The following OR2AJ1 variants were observed in gnomAD, a reference collection of about 807,000 sequenced individuals.
The protein encoded by OR2AJ1 is olfactory receptor 2AJ1.
For synonymous variants in OR2AJ1, 105 were observed against 60.3 expected (o/e 1.74, Z -3.44); for missense variants, 280 against 163.2 (o/e 1.72, Z -3.90).
chr1:247,934,918 T>C lies in OR2AJ1; in HGVS notation c.*163T>C. ...TAAAAATGTAGTGTTCCTTCTGTGG[T>C]ACCAATTATAATCATGCAACAGTTA... On this transcript the variant is annotated 3_prime_UTR_variant, in exon 2 of 2. Transcript: ENST00000318244. 1 of 556,424 alleles carries C rather than the reference T, an allele frequency of 1.8e-6. No individual in the cohort carries two copies. Among genetic ancestry groups the C allele is most frequent in the Non-Finnish European group, 3.1e-6 (1 of 317,510 alleles). The allele number at this position is 556,424 out of a possible 1,614,324, so 34.5% of individuals were successfully genotyped here. A position where few individuals can be genotyped will look rare whatever the true frequency, so the allele number is the denominator to read the frequency against.
chr1:247,931,498 T>C (rs1660152468), intron 1 of OR2AJ1, among the ~76,000 whole-genome samples: 1 of 152,188 alleles, frequency 6.6e-6, no homozygotes, highest in Non-Finnish European at 1.5e-5. Context: ...GAAAAAAAGT[T>C]GCAGAAATAT....
At position 247,933,876 on chromosome 1, in the gene OR2AJ1, T is replaced by C. The variant is rs564295662; in HGVS notation, c.108T>C (p.Ile36=). The change falls in exon 2 of 2, where the codon ATT becomes ATC. Residue 36 remains isoleucine, a synonymous_variant. Coordinates refer to ENST00000318244, the MANE Select transcript of OR2AJ1 (RefSeq NM_001355235.2). The part of the protein sequence containing the change: ...VFFLVLFVIF[I]MSVTENTLMI... ...TCTTAGTTTTATTTGTCATTTTCAT[T>C]ATGAGTGTAACAGAAAATACGCTCA... 3.4e-4 allele frequency: 239 copies of C among 703,948 alleles called. 1 individual carries two copies. The African/African-American group carries it at 3.7e-3, about 11-fold the overall frequency. 43.6% of individuals were successfully genotyped at this position (703,948 alleles called of 1,614,324 possible). A position where few individuals can be genotyped will look rare whatever the true frequency, so the allele number is the denominator to read the frequency against.
chr1:247,926,135 C>A (rs1369570433), intron 1 of OR2AJ1, among the ~76,000 whole-genome samples: 1 of 151,846 alleles, frequency 6.6e-6, no homozygotes, highest in African/African-American at 2.4e-5. Flanking sequence ...AATGAAACAC[C>A]ATTTAAAATT....
Position 247,928,257 on chromosome 1 carries a change from A to G in OR2AJ1, c.-23+3089A>G, listed in dbSNP as rs564097229. Among the ~76,000 whole-genome samples, 7 of 152,206 alleles carry G rather than the reference A, an allele frequency of 4.6e-5. No individual in the cohort carries two copies. The South Asian group carries it at 1.5e-3, about 32-fold the overall frequency. ...TTTGGTTTTGATTTATATTTCCCTT[A>G]TGATTAGTGATGTTGAACATTTTTT... On this transcript the variant is annotated intron_variant, in intron 1 of 1. Transcript: ENST00000318244.
intron 1 of OR2AJ1, among the ~76,000 whole-genome samples, chr1:247,927,272 CT>C (rs1382114313): frequency 6.6e-6 from 1 of 152,002 alleles, no homozygotes; most frequent in Non-Finnish European, 1.5e-5. Context: ...AAATCGTTTT[CT>C]TTTTTCTGAC....
In OR2AJ1 at chr1:247,934,485, C is replaced by T. The variant is rs1300072327; in HGVS notation, c.717C>T (p.Ser239=). 2 of 717,488 alleles carry T rather than the reference C, an allele frequency of 2.8e-6. No homozygotes were observed. The highest frequency in any genetic ancestry group is 5.2e-6 in the Non-Finnish European group (2 of 385,096). 44.4% of individuals were successfully genotyped at this position (717,488 alleles called of 1,614,324 possible). ...KSSEARKKSF[S]TCSFHMIVVT... is the part of the protein sequence containing the mutation. ...CAGAGGCAAGGAAAAAGTCATTTTC[C>T]ACTTGTTCCTTCCACATGATTGTGG... Residue 239 remains serine (S), a synonymous_variant, in exon 2 of 2, where the codon TCC becomes TCT. Transcript: ENST00000318244.
At chr1:247,933,646 A>G in intron 1 of OR2AJ1, 101 bp from the exon 2 acceptor site, 1 of 490,456 alleles carries the variant, frequency 2.0e-6, no homozygotes, top group South Asian at 4.4e-5. Context: ...ATTACAAAAC[A>G]TGCATCACTA....
In OR2AJ1 at chr1:247,934,021, T is replaced by C. The variant is rs956191726; in HGVS notation, c.253T>C (p.Phe85Leu). 29 of 717,632 alleles carry C rather than the reference T, an allele frequency of 4.0e-5. No homozygotes were observed. The Middle Eastern group carries it at 2.5e-3, about 62-fold the overall frequency. 44.5% of individuals were successfully genotyped at this position (717,632 alleles called of 1,614,324 possible). A position where few individuals can be genotyped will look rare whatever the true frequency, so the allele number is the denominator to read the frequency against. Residue 85 changes from phenylalanine to leucine, a missense_variant, in exon 2 of 2, where the codon TTT becomes CTT. Phe to Leu is a conservative substitution (Grantham distance 22). Coordinates refer to ENST00000318244, the MANE Select transcript of OR2AJ1 (RefSeq NM_001355235.2). Reference sequence around the variant, plus strand: ...CATCGTTCCCAAAATGGTCACTAACTTTCTGTCAGGCAGCAGAACTATTTC... The same window carrying C: ...CATCGTTCCCAAAATGGTCACTAACCTTCTGTCAGGCAGCAGAACTATTTC... ...SNIVPKMVTN[F>L]LSGSRTISFA...
In OR2AJ1 at chr1:247,932,195, G is replaced by A. The variant is rs371823013; in HGVS notation, c.-22-1552G>A. ...TTCTAGTAACATACAAAACTTAGCCGGGTTTGGTAGTGGTGCCTGTATTCC... is the reference window on the plus strand; with the variant it reads ...TTCTAGTAACATACAAAACTTAGCCAGGTTTGGTAGTGGTGCCTGTATTCC... On this transcript the variant is annotated intron_variant, in intron 1 of 1. Transcript: ENST00000318244. Among the ~76,000 whole-genome samples, 48 of 152,272 alleles carry A rather than the reference G, an allele frequency of 3.2e-4. No homozygotes were observed. In the East Asian group the frequency reaches 8.3e-3, roughly 26 times the overall value.
At chr1:247,929,966 T>C (rs952877156) in intron 1 of OR2AJ1, among the ~76,000 whole-genome samples, 1 of 152,292 alleles carries the variant, frequency 6.6e-6, no homozygotes. Context: ...CTGCTCTAGA[T>C]AAAGTAATAG....
In OR2AJ1 at chr1:247,934,260, G is replaced by A. The variant is rs1353889858; in HGVS notation, c.492G>A (p.Leu164=). The A allele has an allele frequency of 4.1e-6, 3 of 723,096 alleles. No homozygotes were observed. The highest frequency in any genetic ancestry group is 7.7e-6 in the Non-Finnish European group (3 of 388,334). The allele number at this position is 723,096 out of a possible 1,614,324, so 44.8% of individuals were successfully genotyped here. Reference sequence around the variant, plus strand: ...CCACAGTCCACACAGCTTATGCACTGCAGTTTCCCTTCTGTGGCTCTAGGG... The same window carrying A: ...CCACAGTCCACACAGCTTATGCACTACAGTTTCCCTTCTGTGGCTCTAGGG... ...FNSTVHTAYA[L]QFPFCGSRAI... The change falls in exon 2 of 2, where the codon CTG becomes CTA. Residue 164 remains leucine, a synonymous_variant. Transcript: ENST00000318244.
rs1052076085 is a variant in OR2AJ1 at position 247,934,657 on chromosome 1, G to A, written c.889G>A (p.Val297Ile). The A allele has an allele frequency of 4.2e-6, 3 of 717,302 alleles. No individual in the cohort carries two copies. The African/African-American group carries it at 5.2e-5, about 13-fold the overall frequency. 44.4% of individuals were successfully genotyped at this position (717,302 alleles called of 1,614,324 possible). A position where few individuals can be genotyped will look rare whatever the true frequency, so the allele number is the denominator to read the frequency against. The change falls in exon 2 of 2, where the codon GTT (valine) becomes ATT (isoleucine). Residue 297 changes from valine to isoleucine, a missense_variant. Val to Ile is a conservative substitution (Grantham distance 29). Transcript: ENST00000318244. ...CATCTACAGCTTTAGGAATAAAGAT[G>A]TTCTGGCGGTGATGAAAAATATGCT... ...PFIYSFRNKD[V>I]LAVMKNMLKS...
At chr1:247,933,278 G>C (rs1315311530) in intron 1 of OR2AJ1, among the ~76,000 whole-genome samples, 1 of 152,146 alleles carries the variant, frequency 6.6e-6, no homozygotes, top group Non-Finnish European at 1.5e-5. Context: ...TTCTGGCATA[G>C]AATGAAAATA....
intron 1 of OR2AJ1, among the ~76,000 whole-genome samples, chr1:247,929,584 T>TCC (rs950677733): frequency 7.9e-6 from 1 of 126,392 alleles, no homozygotes; most frequent in African/African-American, 2.7e-5. Flanking sequence ...CAGGCTCTAT[T>TCC]CCCCCCCTTC....
chr1:247,931,676 G>T (rs1558371076), intron 1 of OR2AJ1, among the ~76,000 whole-genome samples: 1 of 152,080 alleles, frequency 6.6e-6, no homozygotes, highest in Non-Finnish European at 1.5e-5. Context: ...CAGAGAAGGA[G>T]AATTTATGCA....
chr1:247,931,865 T>C (rs1048142615), intron 1 of OR2AJ1, among the ~76,000 whole-genome samples: 2 of 152,226 alleles, frequency 1.3e-5, no homozygotes, highest in African/African-American at 2.4e-5. Flanking sequence ...AAGAATGATA[T>C]AACTCCAGGG....
chr1:247,929,930 C>A (rs1008806777), intron 1 of OR2AJ1, among the ~76,000 whole-genome samples: 3 of 152,012 alleles, frequency 2.0e-5, no homozygotes, highest in African/African-American at 7.2e-5. Flanking sequence ...TAGGTAACAT[C>A]CATTATATTT....
At chr1:247,927,969 G>T (rs1312794495) in intron 1 of OR2AJ1, among the ~76,000 whole-genome samples, 1 of 152,192 alleles carries the variant, frequency 6.6e-6, no homozygotes, top group Non-Finnish European at 1.5e-5. Context: ...ATTGTGAACA[G>T]TGTGGCACTA....
chr1:247,927,560 A>G (rs1013382463), intron 1 of OR2AJ1, among the ~76,000 whole-genome samples: 1 of 148,506 alleles, frequency 6.7e-6, no homozygotes, highest in Non-Finnish European at 1.5e-5. Flanking sequence ...ATTTGAAAAG[A>G]TAGAAAAAAT....
Sources: allele counts gnomAD v4.1 joint callset (sites outside exome capture counted in the v4.1 genomes callset), GRCh38; gene constraint gnomAD v4.1.1; transcripts MANE v1.5; gene names NCBI Gene and HGNC (gene_info 2026-07-23, HGNC 2026-07-21).